Variants in PPARGC1A observed in about 807,000 individuals in gnomAD.
PPARGC1A encodes PPARG coactivator 1 alpha.
In PPARGC1A, 25 loss-of-function variants were observed where a neutral mutation model predicts 88.7. That is an observed-to-expected ratio of 0.28 (90% confidence interval 0.21 to 0.39). The LOEUF (loss-of-function observed/expected upper bound fraction) is 0.39, where lower values mean the gene tolerates loss of function less well. Among genes scored for constraint, PPARGC1A ranks in the 10% least tolerant of loss-of-function variants. The pLI, the probability that PPARGC1A is intolerant of heterozygous loss-of-function variation, is 1.00. For synonymous variants in PPARGC1A, 363 were observed against 355.6 expected (o/e 1.02, Z -0.24); for missense variants, 880 against 968.7 (o/e 0.91, Z 1.22).
chr4:24,387,874 AAG>A, the PPARGC1A span, among the ~76,000 whole-genome samples: 6,006 of 98,652 alleles, frequency 0.061, 425 homozygotes, highest in East Asian at 0.11. Context: ...GAAAGGAAGA[AAG>A]AGAAAGAAAG....
chr4:24,089,505 C>CTTTTTTT, the PPARGC1A span, among the ~76,000 whole-genome samples: 2 of 73,810 alleles, frequency 2.7e-5, no homozygotes, highest in African/African-American at 9.6e-5. Flanking sequence ...CTTTTCTTTT[C>CTTTTTTT]TTTTCTTTCT....
chr4:24,027,251 GCATA>G, the PPARGC1A span, among the ~76,000 whole-genome samples: 4 of 145,400 alleles, frequency 2.8e-5, no homozygotes, highest in Non-Finnish European at 3.1e-5. Context: ...GTGTGTGCGT[GCATA>G]TTTTTGCCTG....
chr4:24,052,248 A>G, the PPARGC1A span, among the ~76,000 whole-genome samples: 3 of 152,226 alleles, frequency 2.0e-5, no homozygotes, highest in African/African-American at 7.2e-5. Context: ...AATACACGTA[A>G]GAATGAATAA....
chr4:24,367,301 G>A, the PPARGC1A span, among the ~76,000 whole-genome samples: 1 of 152,102 alleles, frequency 6.6e-6, no homozygotes, highest in Non-Finnish European at 1.5e-5. Context: ...GCCATAACTA[G>A]GCCAAATTAT....
At chr4:24,258,239 A>G in the PPARGC1A span, 1 of 980,580 alleles carries the variant, frequency 1.0e-6, no homozygotes, top group African/African-American at 1.8e-5. Flanking sequence ...AATTTTACCA[A>G]TATTAGTTCA....
the PPARGC1A span, among the ~76,000 whole-genome samples, chr4:24,241,679 C>T: frequency 3.3e-5 from 5 of 152,196 alleles, no homozygotes; most frequent in East Asian, 1.9e-4. Flanking sequence ...GTCAATGGGA[C>T]GCCAAACATC....
chr4:23,953,201 A>C, the PPARGC1A span, among the ~76,000 whole-genome samples: 1 of 152,114 alleles, frequency 6.6e-6, no homozygotes. Context: ...TTGGATATGT[A>C]CTCATTAAAT....
the PPARGC1A span, among the ~76,000 whole-genome samples, chr4:24,108,051 T>G: frequency 1.3e-5 from 2 of 152,192 alleles, no homozygotes; most frequent in Admixed American, 6.5e-5. Context: ...AAGGCAGTTG[T>G]GATTGACTGT....
the PPARGC1A span, among the ~76,000 whole-genome samples, chr4:24,386,756 G>A: frequency 6.6e-6 from 1 of 152,056 alleles, no homozygotes; most frequent in Admixed American, 6.6e-5. Context: ...ACAAACAAAT[G>A]GAAAAACATT....
chr4:24,293,651 C>A, the PPARGC1A span, among the ~76,000 whole-genome samples: 2 of 132,430 alleles, frequency 1.5e-5, no homozygotes, highest in Non-Finnish European at 3.2e-5. Context: ...GCCTGTGTTC[C>A]TCCTCTCCTC....
the PPARGC1A span, among the ~76,000 whole-genome samples, chr4:24,003,807 T>G: frequency 4.5e-5 from 6 of 133,998 alleles, no homozygotes; most frequent in African/African-American, 1.7e-4. Context: ...AAAGAGGTGA[T>G]AGGATCAGAT....
the PPARGC1A span, among the ~76,000 whole-genome samples, chr4:24,119,906 A>G: frequency 6.6e-6 from 1 of 152,126 alleles, no homozygotes; most frequent in South Asian, 2.1e-4. Context: ...AGAATCTTAA[A>G]AGCTTTATTA....
chr4:24,115,695 C>A, the PPARGC1A span, among the ~76,000 whole-genome samples: 1 of 152,112 alleles, frequency 6.6e-6, no homozygotes, highest in South Asian at 2.1e-4. Flanking sequence ...TTTCATATAT[C>A]AACGACATAG....
chr4:24,185,581 C>T, the PPARGC1A span, among the ~76,000 whole-genome samples: 5 of 152,290 alleles, frequency 3.3e-5, no homozygotes, highest in Non-Finnish European at 7.4e-5. Flanking sequence ...CAGCTGCCAA[C>T]TTTCAGTTTA....
the PPARGC1A span, among the ~76,000 whole-genome samples, chr4:24,436,221 A>G: frequency 6.6e-6 from 1 of 152,362 alleles, no homozygotes; most frequent in African/African-American, 2.4e-5. Flanking sequence ...AATAAGCAAG[A>G]TAGTATTTTA....
At chr4:24,012,340 A>C in the PPARGC1A span, among the ~76,000 whole-genome samples, 5 of 152,260 alleles carry the variant, frequency 3.3e-5, no homozygotes, top group African/African-American at 1.2e-4. Context: ...GTCAAGAAGT[A>C]CAAGTCTTCT....
the PPARGC1A span, among the ~76,000 whole-genome samples, chr4:24,021,871 G>A: frequency 6.6e-6 from 1 of 152,206 alleles, no homozygotes; most frequent in Non-Finnish European, 1.5e-5. Context: ...GTAGTGGGGA[G>A]CCCATTAAAA....
chr4:24,103,853 G>A, the PPARGC1A span, among the ~76,000 whole-genome samples: 36 of 152,286 alleles, frequency 2.4e-4, no homozygotes, highest in African/African-American at 7.7e-4. Context: ...TCTCCAAAAA[G>A]CATCCATTCA....
chr4:23,852,002 T>A (rs1179663861), intron 2 of PPARGC1A, among the ~76,000 whole-genome samples: 1 of 152,180 alleles, frequency 6.6e-6, no homozygotes, highest in Non-Finnish European at 1.5e-5. Flanking sequence ...CTCAAGCTGG[T>A]CCACAACCAA....
Sources: allele counts gnomAD v4.1 joint callset (sites outside exome capture counted in the v4.1 genomes callset), GRCh38; gene constraint gnomAD v4.1.1; transcripts MANE v1.5; gene names NCBI Gene and HGNC (gene_info 2026-07-23, HGNC 2026-07-21).